Variants in NAV3 observed in about 807,000 individuals in gnomAD.
NAV3 encodes neuron navigator 3, also known as pore membrane and/or filament interacting like protein 1.
NAV3 carries 87 observed loss-of-function variants against 244.7 expected under a neutral mutation model. That is an observed-to-expected ratio of 0.36 (90% confidence interval 0.30 to 0.42). NAV3 has a LOEUF of 0.42. NAV3 is among the 20% of genes least tolerant of loss of function. The pLI, the probability that NAV3 is intolerant of heterozygous loss-of-function variation, is 1.00. For synonymous variants in NAV3, 1,126 were observed against 1,042.2 expected (o/e 1.08, Z -1.55); for missense variants, 2,663 against 2,893.3 (o/e 0.92, Z 1.83).
At position 77,688,780 on chromosome 12, in the gene NAV3, A is replaced by G. The variant is rs377043009; in HGVS notation, c.72+116514A>G. On this transcript the variant is annotated intron_variant, in intron 2 of 8. Transcript: ENST00000550042. ...AGATAATGAAGGAGAGGCTCTAAAA[A>G]ACGAGAAATTCAATGGATTAGAGAT... 1.2e-3 allele frequency among the ~76,000 whole-genome samples: 181 copies of G among 152,050 alleles called. 1 individual carries two copies. Among genetic ancestry groups the G allele is most frequent in the African/African-American group, 4.1e-3 (171 of 41,548 alleles).
chr12:77,623,212 T>G (rs975684107), intron 2 of NAV3, among the ~76,000 whole-genome samples: 1 of 152,170 alleles, frequency 6.6e-6, no homozygotes, highest in Non-Finnish European at 1.5e-5. Context: ...GAAAAAAAAT[T>G]GATTTTTTAT....
chr12:78,200,145 G>T (rs1023412810), intron 37 of NAV3, among the ~76,000 whole-genome samples: 1 of 152,034 alleles, frequency 6.6e-6, no homozygotes. Flanking sequence ...TCCCAATTCT[G>T]CAAATAATGA....
At chr12:77,649,749 G>A (rs1872745650) in intron 2 of NAV3, among the ~76,000 whole-genome samples, 1 of 151,994 alleles carries the variant, frequency 6.6e-6, no homozygotes, top group Admixed American at 6.6e-5. Context: ...CTTCCTTTCT[G>A]CTATATTTTT....
At chr12:78,164,791 C>A (rs1957710370) in intron 23 of NAV3, among the ~76,000 whole-genome samples, 1 of 151,846 alleles carries the variant, frequency 6.6e-6, no homozygotes, top group African/African-American at 2.4e-5. Flanking sequence ...TAACTTAGTG[C>A]CAATGTGAGG....
intron 8 of NAV3, among the ~76,000 whole-genome samples, chr12:78,019,000 GAGAA>G (rs1876706573): frequency 6.6e-6 from 1 of 152,088 alleles, no homozygotes; most frequent in African/African-American, 2.4e-5. Context: ...GGGTCCAGAA[GAGAA>G]AGAAACAGCC....
At chr12:77,973,977 G>C (rs900339332) in intron 5 of NAV3, among the ~76,000 whole-genome samples, 1 of 152,044 alleles carries the variant, frequency 6.6e-6, no homozygotes, top group African/African-American at 2.4e-5. Flanking sequence ...AATAATTGAA[G>C]AGAAAGAAGT....
chr12:77,852,526 G>A (rs541965973), intron 1 of NAV3, among the ~76,000 whole-genome samples: 6 of 151,956 alleles, frequency 3.9e-5, no homozygotes, highest in South Asian at 2.1e-4. Flanking sequence ...GCAACAGAAC[G>A]AGACTCCCTC....
chr12:78,019,460 A>T (rs1876786363), intron 8 of NAV3, among the ~76,000 whole-genome samples: 1 of 152,186 alleles, frequency 6.6e-6, no homozygotes. Context: ...TAATCAATTA[A>T]TTACATTAAT....
intron 31 of NAV3, among the ~76,000 whole-genome samples, chr12:78,186,678 A>G (rs2370403): frequency 0.39 from 58,601 of 151,484 alleles, 12,193 homozygotes; most frequent in Non-Finnish European, 0.48. Context: ...AATGCCTTTG[A>G]ACACTTTTTT....
At chr12:77,738,371 G>A (rs1868262186) in intron 2 of NAV3, among the ~76,000 whole-genome samples, 3 of 152,078 alleles carry the variant, frequency 2.0e-5, no homozygotes, top group Admixed American at 6.5e-5. Context: ...TCTTCACAGG[G>A]TTATAGGAGA....
chr12:77,684,624 A>C (rs1268717114), intron 2 of NAV3, among the ~76,000 whole-genome samples: 1 of 152,038 alleles, frequency 6.6e-6, no homozygotes, highest in African/African-American at 2.4e-5. Flanking sequence ...TGCCCAGCCT[A>C]CTTTTAATTT....
intron 2 of NAV3, among the ~76,000 whole-genome samples, chr12:77,752,838 G>A (rs181086571): frequency 7.9e-5 from 12 of 152,206 alleles, no homozygotes; most frequent in Non-Finnish European, 1.5e-4. Context: ...ATACAACTAC[G>A]TGACAATAAA....
At chr12:77,763,042 A>T (rs947097185) in intron 2 of NAV3, among the ~76,000 whole-genome samples, 1 of 152,168 alleles carries the variant, frequency 6.6e-6, no homozygotes, top group Non-Finnish European at 1.5e-5. Context: ...ACATAGAATA[A>T]CACATTTTCC....
intron 1 of NAV3, among the ~76,000 whole-genome samples, chr12:77,899,885 T>C (rs1277542986): frequency 6.6e-6 from 1 of 152,162 alleles, no homozygotes; most frequent in Admixed American, 6.5e-5. Context: ...TATTTATTAA[T>C]CGTTTTAATT....
intron 4 of NAV3, among the ~76,000 whole-genome samples, chr12:77,968,049 T>C (rs1892667870): frequency 6.6e-6 from 1 of 152,084 alleles, no homozygotes; most frequent in Admixed American, 6.6e-5. Flanking sequence ...ATCCAGTTGG[T>C]ATTAGGAGGT....
At chr12:77,729,405 G>A (rs1465789326) in intron 2 of NAV3, among the ~76,000 whole-genome samples, 2 of 151,942 alleles carry the variant, frequency 1.3e-5, no homozygotes, top group African/African-American at 2.4e-5. Flanking sequence ...AGACATAGAA[G>A]ACTGAGTTCA....
At chr12:77,897,597 T>A (rs1384847592) in intron 1 of NAV3, among the ~76,000 whole-genome samples, 1 of 152,182 alleles carries the variant, frequency 6.6e-6, no homozygotes, top group Non-Finnish European at 1.5e-5. Context: ...CTAGGCTTCA[T>A]ACTTATCTGG....
At chr12:77,727,986 G>A (rs755165661) in intron 2 of NAV3, among the ~76,000 whole-genome samples, 14 of 151,702 alleles carry the variant, frequency 9.2e-5, no homozygotes, top group Admixed American at 5.9e-4. Context: ...GGCCTCATCA[G>A]TATTTTTTTT....
At position 78,028,321 on chromosome 12, in the gene NAV3, T is replaced by G. The variant is rs550961560; in HGVS notation, c.2023+6459T>G. Among the ~76,000 whole-genome samples the G allele has an allele frequency of 4.0e-4, 61 of 152,302 alleles. 1 individual carries two copies. In the South Asian group the frequency reaches 0.012, roughly 31 times the overall value. The stretch of plus-strand genomic sequence containing the variant: ...GGAAACTAAATATTCAATAGGCTGG[T>G]TGTGGAAATTTAAGAAAATATATGA... On this transcript the variant is annotated intron_variant, in intron 9 of 39. Transcript: ENST00000397909.
Sources: gnomAD v4.1 joint callset for allele counts (sites outside exome capture counted in the v4.1 genomes callset) on GRCh38, gnomAD v4.1.1 for gene constraint, MANE v1.5 for transcripts, NCBI Gene and HGNC (gene_info 2026-07-23, HGNC 2026-07-21) for gene names.